Variants in MAML3 observed in about 807,000 individuals in gnomAD.
MAML3 encodes mastermind like transcriptional coactivator 3, also known as mastermind-like protein 3.
In MAML3, 27 loss-of-function variants were observed where a neutral mutation model predicts 101.9. That is an observed-to-expected ratio of 0.27 (90% CI 0.20 to 0.37). The LOEUF is 0.37. Ranked by LOEUF, MAML3 falls within the 10% of genes least tolerant of loss-of-function variation. The pLI, the probability that MAML3 is intolerant of heterozygous loss-of-function variation, is 1.00. For synonymous variants in MAML3, 501 were observed against 555.9 expected, an observed-to-expected ratio of 0.90 and a Z score of 1.39; for missense variants, 1,316 against 1,444.9, an observed-to-expected ratio of 0.91 and a Z score of 1.45.
intron 1 of MAML3, among the ~76,000 whole-genome samples, chr4:140,143,625 G>A (rs1315038277): frequency 6.6e-6 from 1 of 152,196 alleles, no homozygotes; most frequent in Non-Finnish European, 1.5e-5. Context: ...GCCGGGCGTG[G>A]TGGCGGGTGC....
intron 1 of MAML3, among the ~76,000 whole-genome samples, chr4:140,091,392 G>A (rs1728045704): frequency 5.9e-5 from 9 of 151,972 alleles, no homozygotes; most frequent in Admixed American, 5.9e-4. Flanking sequence ...TTTTATGTAG[G>A]TTTAAGCCTC....
chr4:139,811,386 G>T (rs981920237), intron 2 of MAML3, among the ~76,000 whole-genome samples: 2 of 152,166 alleles, frequency 1.3e-5, no homozygotes, highest in Non-Finnish European at 2.9e-5. Context: ...AGTACTATTA[G>T]CTACTTAGGC....
intron 1 of MAML3, among the ~76,000 whole-genome samples, chr4:140,052,249 A>C (rs1727280934): frequency 1.3e-5 from 2 of 152,208 alleles, no homozygotes; most frequent in Non-Finnish European, 2.9e-5. Context: ...GATACTTAGA[A>C]AAGCAGCTAT....
chr4:139,916,721 G>A (rs57124063), intron 1 of MAML3, among the ~76,000 whole-genome samples: 8,888 of 152,200 alleles, frequency 0.058, 770 homozygotes, highest in African/African-American at 0.19. Context: ...ATAGCTTTAC[G>A]TTTCCTCTTA....
At chr4:139,764,113 G>T in intron 2 of MAML3, among the ~76,000 whole-genome samples, 1 of 152,172 alleles carries the variant, frequency 6.6e-6, no homozygotes, top group East Asian at 1.9e-4. Context: ...AACTGAAGTA[G>T]CAGTAATCAA....
intron 1 of MAML3, among the ~76,000 whole-genome samples, chr4:139,947,787 A>G (rs540896580): frequency 5.0e-4 from 76 of 152,204 alleles, no homozygotes; most frequent in Non-Finnish European, 9.3e-4. Flanking sequence ...ATTATTCTCA[A>G]TTAGGATTTC....
In MAML3 at chr4:139,889,904, T is replaced by C. The variant is rs763181440; in HGVS notation, c.1532A>G (p.His511Arg). 2 of 1,594,918 alleles carry C rather than the reference T, an allele frequency of 1.3e-6. No individual in the cohort carries two copies. The highest frequency in any genetic ancestry group is 1.7e-6 in the Non-Finnish European group (2 of 1,173,464). ...AGACCAATTTGAAGTCTGATTTGAG[T>C]GCTGTTGCTGCTGCTGCTGCTGCTG... ...QQQQQQQQQQ[H>R]SNQTSNWSPL... Residue 511 changes from histidine to arginine, a missense_variant, in exon 2 of 5, where the codon CAC becomes CGC. Physicochemically the swap from His to Arg is conservative, Grantham distance 29 (BLOSUM62 0). Transcript: ENST00000509479.
intron 1 of MAML3, among the ~76,000 whole-genome samples, chr4:139,893,807 C>T (rs917639690): frequency 1.3e-5 from 2 of 152,094 alleles, no homozygotes; most frequent in Non-Finnish European, 2.9e-5. Flanking sequence ...GTGCTGCTTT[C>T]CTTTCTGTCA....
At chr4:139,736,622 G>A (rs1401811105) in intron 2 of MAML3, among the ~76,000 whole-genome samples, 2 of 152,180 alleles carry the variant, frequency 1.3e-5, no homozygotes, top group Non-Finnish European at 2.9e-5. Flanking sequence ...CCCAGTATGG[G>A]CAATTTGGGA....
At position 139,986,924 on chromosome 4, in the gene MAML3, TGC is replaced by T. The variant is rs1273598031; in HGVS notation, c.469-95959_469-95958del. 7.2e-5 allele frequency among the ~76,000 whole-genome samples: 11 copies of T among 152,330 alleles called. No homozygotes were observed. In the South Asian group the frequency reaches 1.0e-3, roughly 14 times the overall value. ...GATTAAGTGATTGCTATTGGCTGTGTGCTTGCCCTGAATATTTCACCATGGAC... is the reference window on the plus strand; with the variant it reads ...GATTAAGTGATTGCTATTGGCTGTGTTTGCCCTGAATATTTCACCATGGAC... On this transcript the variant is annotated intron_variant, in intron 1 of 4. Coordinates refer to ENST00000509479, the MANE Select transcript of MAML3 (RefSeq NM_018717.5).
chr4:139,968,828 G>A lies in MAML3; in HGVS notation c.469-77861C>T, dbSNP rs148877213. Among the ~76,000 whole-genome samples the A allele has an allele frequency of 1.8e-3, 275 of 152,230 alleles. 1 individual carries two copies. Among genetic ancestry groups the A allele is most frequent in the Non-Finnish European group, 3.1e-3 (209 of 68,020 alleles). Reference sequence around the variant, plus strand: ...ATTTGCACACACTTTAGTGGTTGCAGGGAGTACAGAAAGCAAATCCCACCG... The same window carrying A: ...ATTTGCACACACTTTAGTGGTTGCAAGGAGTACAGAAAGCAAATCCCACCG... On this transcript the variant is annotated intron_variant, in intron 1 of 4. Transcript: ENST00000509479.
At chr4:139,721,482 G>C (rs1235212962) in intron 4 of MAML3, among the ~76,000 whole-genome samples, 1 of 152,142 alleles carries the variant, frequency 6.6e-6, no homozygotes, top group Non-Finnish European at 1.5e-5. Context: ...ATCCCACCTG[G>C]AACTGTGATG....
At chr4:139,864,707 A>T (rs1442813837) in intron 2 of MAML3, among the ~76,000 whole-genome samples, 1 of 150,462 alleles carries the variant, frequency 6.6e-6, no homozygotes, top group African/African-American at 2.4e-5. Flanking sequence ...AAAGAAAAAG[A>T]AATCTTGAAT....
chr4:140,089,518 G>A (rs1187442365), intron 1 of MAML3, among the ~76,000 whole-genome samples: 1 of 152,160 alleles, frequency 6.6e-6, no homozygotes, highest in Non-Finnish European at 1.5e-5. Flanking sequence ...GTTTGGCTCT[G>A]ATCTTTCAGA....
chr4:139,880,997 C>T (rs751816797), intron 2 of MAML3, among the ~76,000 whole-genome samples: 38 of 152,098 alleles, frequency 2.5e-4, no homozygotes, highest in Admixed American at 5.9e-4. Context: ...GAGTGGTAAA[C>T]GACTTAGCAG....
chr4:139,924,416 C>T (rs756169907), intron 1 of MAML3, among the ~76,000 whole-genome samples: 21 of 152,122 alleles, frequency 1.4e-4, no homozygotes, highest in Admixed American at 2.0e-4. Flanking sequence ...GAAATCTTTA[C>T]CTTTCATATT....
intron 1 of MAML3, among the ~76,000 whole-genome samples, chr4:140,142,696 C>T (rs990513940): frequency 2.6e-5 from 4 of 152,214 alleles, no homozygotes; most frequent in Non-Finnish European, 4.4e-5. Flanking sequence ...GACAGTCCTT[C>T]AAATATTTTA....
intron 1 of MAML3, among the ~76,000 whole-genome samples, chr4:139,981,275 T>C (rs961438800): frequency 6.6e-6 from 1 of 152,208 alleles, no homozygotes; most frequent in Non-Finnish European, 1.5e-5. Flanking sequence ...ACCAGACATA[T>C]TGGCTTAGCG....
At chr4:139,928,163 T>G (rs1455807309) in intron 1 of MAML3, among the ~76,000 whole-genome samples, 1 of 152,230 alleles carries the variant, frequency 6.6e-6, no homozygotes, top group Non-Finnish European at 1.5e-5. Flanking sequence ...GCCTTCTCCT[T>G]TCTGTATCCA....
Sources: gnomAD v4.1 joint callset for allele counts (sites outside exome capture counted in the v4.1 genomes callset) on GRCh38, gnomAD v4.1.1 for gene constraint, MANE v1.5 for transcripts, NCBI Gene and HGNC (gene_info 2026-07-23, HGNC 2026-07-21) for gene names.